The following CEP192 variants were observed in gnomAD, a reference collection of about 807,000 sequenced individuals.
CEP192 encodes the protein centrosomal protein of 192 kDa.
CEP192 carries 151 observed loss-of-function variants against 271.8 expected under a neutral mutation model. The ratio of observed to expected loss-of-function variants is 0.56; its 90% CI spans 0.49 to 0.64. The LOEUF (loss-of-function observed/expected upper bound fraction) is 0.64. Among genes scored for constraint, CEP192 ranks in the 30% least tolerant of loss-of-function variants. CEP192 has a pLI of 0.00. For missense variants in CEP192, 2,910 were observed against 3,020.5 expected (o/e 0.96, Z 0.86); for synonymous variants, 995 against 1,076.5 (o/e 0.92, Z 1.48).
At position 13,068,840 on chromosome 18, in the gene CEP192, AC is replaced by A. The variant is rs776243912; in HGVS notation, c.4823-11del. 5 of 1,613,870 alleles carry A rather than the reference AC, an allele frequency of 3.1e-6. No individual in the cohort carries two copies. In the East Asian group the frequency reaches 6.7e-5, roughly 22 times the overall value. ...TCTGGTCTCCAAGCTAAAAGAATGA[AC>A]TTTTTTTTAGATATTCTGGACTCAG... On this transcript the variant is annotated splice_polypyrimidine_tract_variant and intron_variant, in intron 24 of 44. Transcript: ENST00000506447.
At position 13,017,269 on chromosome 18, in the gene CEP192, A is replaced by G. The variant is rs1283021630; in HGVS notation, c.722A>G (p.Tyr241Cys). 1.9e-6 allele frequency: 3 copies of G among 1,550,426 alleles called. No individual in the cohort carries two copies. Among genetic ancestry groups the G allele is most frequent in the Non-Finnish European group, 2.6e-6 (3 of 1,146,168 alleles). Residue 241 changes from tyrosine to cysteine, a missense_variant, in exon 7 of 45, where the codon TAT (tyrosine) becomes TGT (cysteine). Coordinates refer to ENST00000506447, the MANE Select transcript of CEP192 (RefSeq NM_032142.4). ...CAACTGGCAATTCCAGGAATGATAT[A>G]TGAAGACCTAGAAGGACCAGAACCT... ...FEQLAIPGMIYEDLEGPEPPE... is the reference protein window; with the variant it reads ...FEQLAIPGMICEDLEGPEPPE...
chr18:13,014,824 C>T (rs1229558397), intron 5 of CEP192, among the ~76,000 whole-genome samples: 1 of 151,328 alleles, frequency 6.6e-6, no homozygotes, highest in East Asian at 1.9e-4. Context: ...AATATAATCA[C>T]ACTTAGAGGG....
intron 9 of CEP192, among the ~76,000 whole-genome samples, chr18:13,028,347 CT>C (rs2035423357): frequency 6.6e-6 from 1 of 152,114 alleles, no homozygotes; most frequent in Non-Finnish European, 1.5e-5. Context: ...AGTTACCAGG[CT>C]TAGGACTTGG....
intron 34 of CEP192, among the ~76,000 whole-genome samples, chr18:13,093,897 G>A (rs973885087): frequency 2.6e-5 from 4 of 152,268 alleles, no homozygotes; most frequent in South Asian, 2.1e-4. Flanking sequence ...CAAGATCACC[G>A]GGAGATTTCA....
At chr18:13,030,062 G>A in intron 10 of CEP192, 60 bp downstream of exon 10, 1 of 1,256,850 alleles carries the variant, frequency 8.0e-7, no homozygotes, top group Non-Finnish European at 1.1e-6. Context: ...TTTTGAATAG[G>A]ACATATTTTC....
chr18:13,029,967 G>A lies in CEP192; in HGVS notation c.1355G>A (p.Cys452Tyr). Residue 452 changes from cysteine (C) to tyrosine (Y), a missense_variant, in exon 10 of 45, where the codon TGT (cysteine) becomes TAT (tyrosine). Physicochemically the swap from Cys to Tyr is radical, Grantham distance 194. Transcript: ENST00000506447. ...TCACCAACTTGTGAAAGGCGAACAT[G>A]TGAATGTCACGAGTCCATCGAAAAG... The part of the protein sequence containing the change: ...IWSPTCERRT[C>Y]ECHESIEKNK... 6.4e-7 allele frequency: 1 copy of A among 1,551,318 alleles called. No individual in the cohort carries two copies. The highest frequency in any genetic ancestry group is 8.7e-7 in the Non-Finnish European group (1 of 1,146,644).
intron 34 of CEP192, among the ~76,000 whole-genome samples, chr18:13,092,810 G>A (rs568593453): frequency 7.2e-5 from 11 of 152,028 alleles, no homozygotes; most frequent in African/African-American, 1.7e-4. Flanking sequence ...TCTGGACCAC[G>A]TAAGAGTAAG....
intron 14 of CEP192, 117 bp downstream of exon 14, chr18:13,041,073 T>C: frequency 1.3e-6 from 1 of 796,616 alleles, no homozygotes; most frequent in Non-Finnish European, 1.9e-6. Flanking sequence ...ACTTTGTAGT[T>C]TCTCAGTGTT....
rs1444779908 is a variant in CEP192, at chr18:13,029,903, A to G, written c.1291A>G (p.Ile431Val). 1 of 1,551,726 alleles carries G rather than the reference A, an allele frequency of 6.4e-7. No individual in the cohort carries two copies. The highest frequency in any genetic ancestry group is 1.2e-5 in the South Asian group (1 of 84,066). Residue 431 changes from isoleucine to valine, a missense_variant, in exon 10 of 45, where the codon ATT becomes GTT. Ile to Val is a conservative substitution (Grantham distance 29). Coordinates refer to ENST00000506447, the MANE Select transcript of CEP192 (RefSeq NM_032142.4). ...ENVDVASLKPISDSGINFTDA... is the reference protein window; with the variant it reads ...ENVDVASLKPVSDSGINFTDA... ...TGTGGATGTAGCCTCTTTGAAGCCCATTAGTGACAGTGGAATTAATTTCAC... is the reference window on the plus strand; with the variant it reads ...TGTGGATGTAGCCTCTTTGAAGCCCGTTAGTGACAGTGGAATTAATTTCAC...
At chr18:13,013,390 T>G (rs2034471515) in intron 5 of CEP192, among the ~76,000 whole-genome samples, 1 of 152,220 alleles carries the variant, frequency 6.6e-6, no homozygotes. Flanking sequence ...GGAATGGTTC[T>G]CGGCCCTTAG....
intron 11 of CEP192, among the ~76,000 whole-genome samples, chr18:13,035,237 C>G (rs576510900): frequency 6.6e-6 from 1 of 152,306 alleles, no homozygotes; most frequent in East Asian, 1.9e-4. Context: ...TTTAACTCCT[C>G]AAAGTAAATT....
chr18:13,038,457 T>C lies in CEP192; in HGVS notation c.1687T>C (p.Ser563Pro), dbSNP rs2036028396. The C allele has an allele frequency of 6.4e-7, 1 of 1,551,526 alleles. No individual in the cohort carries two copies. Among genetic ancestry groups the C allele is most frequent in the African/African-American group, 1.4e-5 (1 of 73,114 alleles). ...ATINYSLLRK[S>P]RSTSDLDKDD... is the part of the protein sequence containing the mutation. ...AATTAATTACAGTCTGTTGAGGAAA[T>C]CACGTAGCACATCAGATTTGGATAA... Residue 563 changes from serine (S) to proline (P), a missense_variant, in exon 13 of 45, where the codon TCA (serine) becomes CCA (proline). Physicochemically the swap from Ser to Pro is moderately conservative, Grantham distance 74. Transcript: ENST00000506447.
In CEP192 at chr18:13,124,702, G is replaced by A. The variant is rs771334688; in HGVS notation, c.7546G>A (p.Val2516Ile). The change falls in exon 45 of 45, where the codon GTC becomes ATC. Residue 2516 changes from valine (V) to isoleucine (I), a missense_variant. Transcript: ENST00000506447. ...KSAGKFEALL[V>I]IQTDEGKSIA... ...CGCAGGCAAATTTGAAGCTTTGCTT[G>A]TCATTCAAACAGATGAAGGCAAGAG... The A allele has an allele frequency of 3.1e-6, 5 of 1,613,894 alleles. No individual in the cohort carries two copies. Among genetic ancestry groups the A allele is most frequent in the South Asian group, 1.1e-5 (1 of 91,074 alleles).
intron 18 of CEP192, among the ~76,000 whole-genome samples, chr18:13,055,166 C>T (rs1323246961): frequency 6.6e-6 from 1 of 151,708 alleles, no homozygotes; most frequent in South Asian, 2.1e-4. Context: ...GTAATCCCAG[C>T]TACTTGGGAG....
Position 13,049,850 on chromosome 18 carries a change from T to A in CEP192, c.2976T>A (p.Ser992Arg), listed in dbSNP as rs1424016137. 6.2e-7 allele frequency: 1 copy of A among 1,613,964 alleles called. No homozygotes were observed. The change falls in exon 17 of 45, where the codon AGT becomes AGA. Residue 992 changes from serine (S) to arginine (R), a missense_variant. By Grantham distance (110) the Ser-to-Arg change is moderately radical (BLOSUM62 -1). Transcript: ENST00000506447. The part of the protein sequence containing the change: ...ESFRPSTSPL[S>R]HSSPSEISGT... ...TCAGACCTTCCACGTCACCACTGAG[T>A]CATTCTTCTCCTAGTGAAATTTCTG...
At chr18:13,015,740 C>T (rs2034607599) in intron 6 of CEP192, among the ~76,000 whole-genome samples, 2 of 151,850 alleles carry the variant, frequency 1.3e-5, no homozygotes, top group South Asian at 4.1e-4. Flanking sequence ...ATTAGGGGAA[C>T]CATGAAATTT....
chr18:13,077,030 G>A (rs1473381566), intron 30 of CEP192, among the ~76,000 whole-genome samples: 1 of 152,120 alleles, frequency 6.6e-6, no homozygotes, highest in Non-Finnish European at 1.5e-5. Flanking sequence ...TAATCCGCCT[G>A]CCTTGGCCTC....
chr18:13,054,968 C>CT (rs1167531155), intron 18 of CEP192, among the ~76,000 whole-genome samples: 1 of 152,076 alleles, frequency 6.6e-6, no homozygotes, highest in East Asian at 1.9e-4. Flanking sequence ...TGGGAGAGGG[C>CT]TTAGAACACA....
At chr18:13,025,812 C>T (rs560085475) in intron 9 of CEP192, among the ~76,000 whole-genome samples, 7 of 152,216 alleles carry the variant, frequency 4.6e-5, no homozygotes, top group Admixed American at 3.3e-4. Context: ...TATATAGACA[C>T]ACACCCTCAC....
Sources: allele counts gnomAD v4.1 joint callset (sites outside exome capture counted in the v4.1 genomes callset), GRCh38; gene constraint gnomAD v4.1.1; transcripts MANE v1.5; gene names NCBI Gene and HGNC (gene_info 2026-07-23, HGNC 2026-07-21).